Variants in PWWP3A observed in about 807,000 individuals in gnomAD.
The protein encoded by PWWP3A is PWWP domain-containing DNA repair factor 3A.
A neutral mutation model predicts 79.0 loss-of-function variants in PWWP3A; 53 were observed. The observed-to-expected ratio is 0.67, with a 90% CI of 0.54 to 0.84. PWWP3A has a LOEUF of 0.84. PWWP3A is among the 40% of genes least tolerant of loss of function. PWWP3A has a pLI of 0.00. For missense variants in PWWP3A, 973 were observed against 948.0 expected (o/e 1.03, Z -0.35); for synonymous variants, 443 against 394.4 (o/e 1.12, Z -1.46).
At chr19:1,362,682 C>T (rs1169232616) in intron 6 of PWWP3A, among the ~76,000 whole-genome samples, 2 of 152,242 alleles carry the variant, frequency 1.3e-5, no homozygotes, top group South Asian at 2.1e-4. Context: ...CGAGGGGCTG[C>T]GTCGCCATTG....
In PWWP3A at chr19:1,363,483, C is replaced by T. The variant is rs556683433; in HGVS notation, c.1214-1026C>T. Among the ~76,000 whole-genome samples the T allele has an allele frequency of 5.6e-4, 85 of 152,186 alleles. 1 individual carries two copies. The highest frequency in any genetic ancestry group is 1.1e-3 in the Non-Finnish European group (77 of 68,038). ...GGAAATCATTTCTGCAGGATCCGTT[C>T]GCACACACGAAGAGCACAGTGCCCT... is the stretch of plus-strand genomic sequence containing the variant. On this transcript the variant is annotated intron_variant, in intron 6 of 13. Transcript: ENST00000591337.
Position 1,375,236 on chromosome 19 carries a change from AT to A in PWWP3A, c.2076-1282del, listed in dbSNP as rs35611852. Among the ~76,000 whole-genome samples the A allele has an allele frequency of 1.1e-3, 171 of 149,718 alleles. 4 individuals are homozygous for A. In the East Asian group the frequency reaches 0.028, roughly 25 times the overall value. The stretch of plus-strand genomic sequence containing the variant: ...GACTCCGTTTCAAAAAAAAAAAAAA[AT>A]ATTACACATCCTGTAAAAGTTACCA... On this transcript the variant is annotated intron_variant, in intron 13 of 13. Transcript: ENST00000591337.
In PWWP3A at chr19:1,360,073, T is replaced by A; in HGVS notation, c.215-63T>A. ...TGAGACAAGCGAGCTTCTAAAGCGATGCCGTGACCGCAGTGCCTGTGCAGT... is the reference window on the plus strand; with the variant it reads ...TGAGACAAGCGAGCTTCTAAAGCGAAGCCGTGACCGCAGTGCCTGTGCAGT... On this transcript the variant is annotated intron_variant, in intron 4 of 13. Coordinates refer to ENST00000591337, the MANE Select transcript of PWWP3A (RefSeq NM_001369789.1). This position sits in a 1 kb window ranked among gnomAD's most constrained non-coding sequence, Gnocchi z 4.4. 1 of 1,472,422 alleles carries A rather than the reference T, an allele frequency of 6.8e-7. No homozygotes were observed. Among genetic ancestry groups the A allele is most frequent in the Non-Finnish European group, 9.0e-7 (1 of 1,111,876 alleles). 91.2% of individuals were successfully genotyped at this position (1,472,422 alleles called of 1,614,324 possible).
chr19:1,362,251 G>A lies in PWWP3A; in HGVS notation c.1113G>A (p.Glu371=), dbSNP rs1200804804. 6.2e-7 allele frequency: 1 copy of A among 1,609,900 alleles called. No homozygotes were observed. The highest frequency in any genetic ancestry group is 1.3e-5 in the African/African-American group (1 of 74,612). The change falls in exon 6 of 14, where the codon GAG becomes GAA. Residue 371 remains glutamate, a splice_region_variant and synonymous_variant. Transcript: ENST00000591337. ...PCPDSQKLEK[E]CQSSEESMGS... is the part of the protein sequence containing the mutation. ...AGTCTAATATCACATTATTGGCAGA[G>A]TGCCAGTCTTCCGAAGAGTCCATGG...
At chr19:1,361,671 C>T (rs964867398) in intron 5 of PWWP3A, among the ~76,000 whole-genome samples, 3 of 152,228 alleles carry the variant, frequency 2.0e-5, no homozygotes, top group African/African-American at 7.2e-5. Context: ...AGGTCATCAT[C>T]TCCTTAGCAC....
chr19:1,369,880 A>C lies in PWWP3A; in HGVS notation c.1549+234A>C, dbSNP rs555083622. Among the ~76,000 whole-genome samples the C allele has an allele frequency of 6.6e-6, 1 of 152,108 alleles. No homozygotes were observed. The highest frequency in any genetic ancestry group is 1.5e-5 in the Non-Finnish European group (1 of 68,000). On this transcript the variant is annotated intron_variant, in intron 11 of 13. Coordinates refer to ENST00000591337, the MANE Select transcript of PWWP3A (RefSeq NM_001369789.1). This position sits in a 1 kb window ranked among gnomAD's most constrained non-coding sequence, Gnocchi z 4.0. Reference sequence around the variant, plus strand: ...GAGCCTGCCCTGGGGCCCTCATCCCATGGGCCACATCCAGCGTGTCCCTGC... The same window carrying C: ...GAGCCTGCCCTGGGGCCCTCATCCCCTGGGCCACATCCAGCGTGTCCCTGC...
chr19:1,374,144 C>T (rs552175220), intron 13 of PWWP3A: 2 of 152,202 alleles, frequency 1.3e-5, no homozygotes, highest in Non-Finnish European at 2.9e-5. Flanking sequence ...TCTCAGAAGC[C>T]TCTTCACCGC....
chr19:1,362,926 G>A (rs1340317583), intron 6 of PWWP3A, among the ~76,000 whole-genome samples: 5 of 152,244 alleles, frequency 3.3e-5, no homozygotes, highest in African/African-American at 4.8e-5. Flanking sequence ...AGTCGGCTTC[G>A]CAAACCAAGT....
rs376393243 is a variant in PWWP3A at position 1,356,366 on chromosome 19, T to C, written c.-27T>C. On this transcript the variant is annotated 5_prime_UTR_variant, in exon 2 of 14. Transcript: ENST00000591337. Reference sequence around the variant, plus strand: ...CCTGGGAGTACGTTGTGCCAAATCATTGCCACTTGCCACATGAGTGTAAAT... The same window carrying C: ...CCTGGGAGTACGTTGTGCCAAATCACTGCCACTTGCCACATGAGTGTAAAT... 3.1e-6 allele frequency: 5 copies of C among 1,613,402 alleles called. No homozygotes were observed. In the African/African-American group the frequency reaches 4.0e-5, roughly 13 times the overall value.
At chr19:1,358,320 C>G (rs1034564436) in intron 3 of PWWP3A, 74 bp from the exon 4 acceptor site, 9 of 1,362,044 alleles carry the variant, frequency 6.6e-6, no homozygotes, top group South Asian at 6.2e-5. Flanking sequence ...CTTTTGTTAT[C>G]TAAAGGAAAA....
Position 1,357,094 on chromosome 19 carries a change from A to T in PWWP3A, c.143A>T (p.Lys48Ile). The T allele has an allele frequency of 6.3e-7, 1 of 1,598,576 alleles. No individual in the cohort carries two copies. The highest frequency in any genetic ancestry group is 8.5e-7 in the Non-Finnish European group (1 of 1,169,600). Reference sequence around the variant, plus strand: ...GTGCAAATCCTCTCTCTAGAGGAAAAGTTAAGTGTTGTGTTGTTTTAATAC... The same window carrying T: ...GTGCAAATCCTCTCTCTAGAGGAAATGTTAAGTGTTGTGTTGTTTTAATAC... ...LAVQILSLEE[K>I]IKVKSTEVEI... Residue 48 changes from lysine (K) to isoleucine (I), a missense_variant and splice_region_variant, in exon 3 of 14, where the codon AAA (lysine) becomes ATA (isoleucine). Transcript: ENST00000591337.
At position 1,369,427 on chromosome 19, in the gene PWWP3A, T is replaced by C; in HGVS notation, c.1498+87T>C. 1 of 1,530,322 alleles carries C rather than the reference T, an allele frequency of 6.5e-7. No individual in the cohort carries two copies. The highest frequency in any genetic ancestry group is 1.1e-5 in the South Asian group (1 of 89,038). The allele number at this position is 1,530,322 out of a possible 1,614,324, so 94.8% of individuals were successfully genotyped here. A position where few individuals can be genotyped will look rare whatever the true frequency, so the allele number is the denominator to read the frequency against. Reference sequence around the variant, plus strand: ...TTGGACGGGCTGGGCCGGAGCTGCCTGGAGGCGGGGCATATTTCCGTGGGC... The same window carrying C: ...TTGGACGGGCTGGGCCGGAGCTGCCCGGAGGCGGGGCATATTTCCGTGGGC... On this transcript the variant is annotated intron_variant, in intron 10 of 13. Coordinates refer to ENST00000591337, the MANE Select transcript of PWWP3A (RefSeq NM_001369789.1). This position sits in a 1 kb window ranked among gnomAD's most constrained non-coding sequence, Gnocchi z 4.0.
In PWWP3A at chr19:1,361,036, A is replaced by G. The variant is rs1453934814; in HGVS notation, c.1111+4A>G. 1 of 1,425,496 alleles carries G rather than the reference A, an allele frequency of 7.0e-7. No individual in the cohort carries two copies. 88.3% of individuals were successfully genotyped at this position (1,425,496 alleles called of 1,614,324 possible). ...GATTCCCAGAAGCTGGAGAAAGGTA[A>G]AAGTTTCTCGTGGAGGAGGAGAGCG... On this transcript the variant is annotated splice_donor_region_variant and intron_variant, in intron 5 of 13. Coordinates refer to ENST00000591337, the MANE Select transcript of PWWP3A (RefSeq NM_001369789.1).
rs539505205 is a variant in PWWP3A at position 1,357,071 on chromosome 19, G to T, written c.120G>T (p.Val40=). ...GAAGAAAGGAATATTTTCTAGCTGT[G>T]CAAATCCTCTCTCTAGAGGAAAAGT... ...NKRRKEYFLA[V]QILSLEEKIK... The change falls in exon 3 of 14, where the codon GTG becomes GTT. Residue 40 remains valine, a synonymous_variant. Coordinates refer to ENST00000591337, the MANE Select transcript of PWWP3A (RefSeq NM_001369789.1). The T allele has an allele frequency of 4.3e-6, 7 of 1,612,936 alleles. No individual in the cohort carries two copies. Among genetic ancestry groups the T allele is most frequent in the Non-Finnish European group, 5.1e-6 (6 of 1,179,620 alleles).
Position 1,360,875 on chromosome 19 carries a change from C to T in PWWP3A, c.954C>T (p.Pro318=). Residue 318 remains proline, a synonymous_variant, in exon 5 of 14, where the codon CCC becomes CCT. Transcript: ENST00000591337. This position sits in a 1 kb window ranked among gnomAD's most constrained non-coding sequence, Gnocchi z 4.4. ...GGCCGCCTGCCGTGCAGCTGGAGCC[C>T]ATGGCAGCAGGGGCCGCACCATCCC... is the stretch of plus-strand genomic sequence containing the variant. ...SQRPPAVQLE[P]MAAGAAPSPG... The T allele has an allele frequency of 6.5e-7, 1 of 1,547,012 alleles. No homozygotes were observed.
chr19:1,375,558 A>ATATAATTTTATATAT (rs1555773325), intron 13 of PWWP3A, among the ~76,000 whole-genome samples: 3,687 of 112,662 alleles, frequency 0.033, 85 homozygotes, highest in Middle Eastern at 0.042. Context: ...AATATATATT[A>ATATAATTTTATATAT]TATATAAAAT....
chr19:1,367,953 C>G (rs2082164679), intron 9 of PWWP3A, among the ~76,000 whole-genome samples: 2 of 152,132 alleles, frequency 1.3e-5, no homozygotes, highest in Admixed American at 6.6e-5. Context: ...GAGACGGAGT[C>G]TCACTCTGTT....
chr19:1,361,059 G>C (rs753989853), intron 5 of PWWP3A, 27 bp downstream of exon 5: 1 of 1,419,524 alleles, frequency 7.0e-7, no homozygotes, highest in Non-Finnish European at 9.2e-7. Flanking sequence ...GAGGAGGAGA[G>C]CGCAGAGGGT....
At chr19:1,357,428 T>C (rs964155147) in intron 3 of PWWP3A, 6 of 165,180 alleles carry the variant, frequency 3.6e-5, no homozygotes, top group Non-Finnish European at 5.2e-5. Context: ...GACTGTTTCT[T>C]AATCAGTGCC....
Sources: gnomAD v4.1 joint callset for allele counts (sites outside exome capture counted in the v4.1 genomes callset) on GRCh38, gnomAD v4.1.1 for gene constraint, Gnocchi (gnomAD v3.1) non-coding constraint, MANE v1.5 for transcripts, NCBI Gene and HGNC (gene_info 2026-07-23, HGNC 2026-07-21) for gene names.